ST3GAL2: variants seen among roughly 807,000 people sequenced by gnomAD.
The protein encoded by ST3GAL2 is ST3 beta-galactoside alpha-2,3-sialyltransferase 2, also known as CMP-N-acetylneuraminate-beta-galactosamide-alpha-2,3-sialyltransferase 2.
In ST3GAL2, 16 loss-of-function variants were observed where a neutral mutation model predicts 37.5. The observed-to-expected ratio is 0.43, with a 90% confidence interval of 0.29 to 0.65. The LOEUF (loss-of-function observed/expected upper bound fraction) is 0.65, where lower values mean the gene tolerates loss of function less well. ST3GAL2 is among the 30% of genes least tolerant of loss of function. The pLI, the probability that ST3GAL2 is intolerant of heterozygous loss-of-function variation, is 0.17. For missense variants in ST3GAL2, 383 were observed against 487.8 expected (o/e 0.79, Z 2.02); for synonymous variants, 238 against 202.9 (o/e 1.17, Z -1.47).
At chr16:70,414,781 T>C (rs568862488) in intron 1 of ST3GAL2, among the ~76,000 whole-genome samples, 1 of 152,298 alleles carries the variant, frequency 6.6e-6, no homozygotes, top group Admixed American at 6.5e-5. Flanking sequence ...CAAGTGATAC[T>C]CCTGACTCAG....
In ST3GAL2 at chr16:70,426,189, T is replaced by TG. The variant is rs941492721; in HGVS notation, c.-1004+12759_-1004+12760insC. Among the ~76,000 whole-genome samples, 6 of 141,062 alleles carry TG rather than the reference T, an allele frequency of 4.3e-5. No homozygotes were observed. In the East Asian group the frequency reaches 6.3e-4, roughly 15 times the overall value. 92.5% of individuals were successfully genotyped at this position (141,062 alleles called of 152,430 possible). On this transcript the variant is annotated intron_variant, in intron 1 of 6. Coordinates refer to ENST00000342907, the MANE Select transcript of ST3GAL2 (RefSeq NM_006927.4). ...ATTATGGGGGCCAAAGCCTTTTTTT[T>TG]TTTTTTTTTTTTTTTTGTTTTTGAG...
At chr16:70,391,148 G>A (rs2151660152) in intron 3 of ST3GAL2, among the ~76,000 whole-genome samples, 1 of 152,264 alleles carries the variant, frequency 6.6e-6, no homozygotes, top group Admixed American at 6.5e-5. Flanking sequence ...TCTTCCTCAG[G>A]GACGGGACTG....
rs1403424178 is a variant in ST3GAL2 at position 70,379,198 on chromosome 16, A to C, written c.*2491T>G. ...GGAGACATCATGTTGACAGAGGCCAAAGTGGTTACAGGACAGCCACTGCGA... is the reference window on the plus strand; with the variant it reads ...GGAGACATCATGTTGACAGAGGCCACAGTGGTTACAGGACAGCCACTGCGA... On this transcript the variant is annotated 3_prime_UTR_variant, in exon 7 of 7. Transcript: ENST00000342907. The C allele has an allele frequency of 6.6e-6, 1 of 152,202 alleles. No homozygotes were observed. Among genetic ancestry groups the C allele is most frequent in the East Asian group, 1.9e-4 (1 of 5,198 alleles). The allele number at this position is 152,202 out of a possible 1,614,324, so 9.4% of individuals were successfully genotyped here.
At chr16:70,418,431 C>T (rs562959939) in intron 1 of ST3GAL2, among the ~76,000 whole-genome samples, 23 of 152,320 alleles carry the variant, frequency 1.5e-4, no homozygotes, top group African/African-American at 5.1e-4. Context: ...CAGAGACTGG[C>T]ATCCCAGGGT....
chr16:70,408,010 A>G (rs901163112), intron 1 of ST3GAL2, among the ~76,000 whole-genome samples: 5 of 152,024 alleles, frequency 3.3e-5, no homozygotes, highest in Non-Finnish European at 7.4e-5. Flanking sequence ...GCCCCTCTCC[A>G]CCCACTTACA....
intron 1 of ST3GAL2, among the ~76,000 whole-genome samples, chr16:70,432,655 G>C (rs2047799046): frequency 6.6e-6 from 1 of 152,202 alleles, no homozygotes; most frequent in Non-Finnish European, 1.5e-5. Context: ...AGCAGGCAAA[G>C]TTCAGACCCC....
intron 4 of ST3GAL2, among the ~76,000 whole-genome samples, chr16:70,386,187 G>T (rs994061858): frequency 7.0e-6 from 1 of 143,326 alleles, no homozygotes; most frequent in East Asian, 2.0e-4. Flanking sequence ...CACCCAGCTA[G>T]TTTTTTTTTT....
intron 5 of ST3GAL2, 59 bp downstream of exon 5, chr16:70,383,131 G>T: frequency 6.2e-7 from 1 of 1,603,656 alleles, no homozygotes; most frequent in Non-Finnish European, 8.5e-7. Context: ...TACAGGACCA[G>T]GCACACAGGC....
rs1597550370 is a variant in ST3GAL2, at chr16:70,378,595, G to A, written c.*3094C>T. On this transcript the variant is annotated 3_prime_UTR_variant, in exon 7 of 7. Coordinates refer to ENST00000342907, the MANE Select transcript of ST3GAL2 (RefSeq NM_006927.4). ...CGGTCACCTGTAGTCTCAGCTACTC[G>A]GGAGACTGAGGCAGGAGAATGGCGT... The A allele has an allele frequency of 6.6e-6, 1 of 150,906 alleles. No individual in the cohort carries two copies. The highest frequency in any genetic ancestry group is 2.4e-5 in the African/African-American group (1 of 40,890). The allele number at this position is 150,906 out of a possible 1,614,324, so 9.3% of individuals were successfully genotyped here. A position where few individuals can be genotyped will look rare whatever the true frequency, so the allele number is the denominator to read the frequency against.
chr16:70,376,596 G>C lies in ST3GAL2; in HGVS notation c.*5093C>G, dbSNP rs2047347486. 1 of 152,204 alleles carries C rather than the reference G, an allele frequency of 6.6e-6. No individual in the cohort carries two copies. The highest frequency in any genetic ancestry group is 1.9e-4 in the East Asian group (1 of 5,192). The allele number at this position is 152,204 out of a possible 1,614,324, so 9.4% of individuals were successfully genotyped here. The stretch of plus-strand genomic sequence containing the variant: ...GTGATTTTTTTCACAAAAGTAGTGA[G>C]AAGGGGCATTGATTCCTAATTCACA... On this transcript the variant is annotated 3_prime_UTR_variant, in exon 7 of 7. Transcript: ENST00000342907.
At chr16:70,395,913 C>T (rs1308814514) in intron 2 of ST3GAL2, among the ~76,000 whole-genome samples, 1 of 152,088 alleles carries the variant, frequency 6.6e-6, no homozygotes, top group Non-Finnish European at 1.5e-5. Flanking sequence ...CAAAGTTTCC[C>T]ATTTTTCAAG....
intron 4 of ST3GAL2, among the ~76,000 whole-genome samples, chr16:70,385,036 T>C (rs938023283): frequency 5.3e-5 from 8 of 151,832 alleles, no homozygotes; most frequent in African/African-American, 1.7e-4. Context: ...CCGGGTGCGG[T>C]GGCTCCTGCC....
At chr16:70,429,784 G>GGGATTACA (rs922312482) in intron 1 of ST3GAL2, among the ~76,000 whole-genome samples, 1 of 151,452 alleles carries the variant, frequency 6.6e-6, no homozygotes, top group African/African-American at 2.4e-5. Flanking sequence ...TGGGATTACA[G>GGGATTACA]GCGCCCTCCA....
chr16:70,414,583 G>A (rs1236252121), intron 1 of ST3GAL2, among the ~76,000 whole-genome samples: 5 of 152,226 alleles, frequency 3.3e-5, no homozygotes, highest in Non-Finnish European at 7.3e-5. Context: ...AAGTTCCACT[G>A]AAAATCGGAA....
At chr16:70,390,767 G>C (rs1567667017) in intron 3 of ST3GAL2, among the ~76,000 whole-genome samples, 1 of 152,150 alleles carries the variant, frequency 6.6e-6, no homozygotes, top group Non-Finnish European at 1.5e-5. Flanking sequence ...CTTTCAATTT[G>C]TGCAAAATAC....
chr16:70,420,242 C>G (rs186126474), intron 1 of ST3GAL2, among the ~76,000 whole-genome samples: 1 of 151,964 alleles, frequency 6.6e-6, no homozygotes, highest in African/African-American at 2.4e-5. Context: ...TTGGAGAAAG[C>G]CTTTTGTATG....
At chr16:70,433,224 T>C (rs1490252667) in intron 1 of ST3GAL2, among the ~76,000 whole-genome samples, 1 of 152,124 alleles carries the variant, frequency 6.6e-6, no homozygotes, top group Non-Finnish European at 1.5e-5. Context: ...TCCCCTCTTT[T>C]CCACTTCTAC....
At chr16:70,415,554 C>T (rs1008581042) in intron 1 of ST3GAL2, among the ~76,000 whole-genome samples, 2 of 151,960 alleles carry the variant, frequency 1.3e-5, no homozygotes, top group African/African-American at 2.4e-5. Flanking sequence ...CGGGTTCAAG[C>T]GATTCTCCTG....
intron 1 of ST3GAL2, among the ~76,000 whole-genome samples, chr16:70,423,592 A>T (rs939728130): frequency 3.9e-5 from 6 of 152,062 alleles, no homozygotes; most frequent in African/African-American, 1.4e-4. Flanking sequence ...TTCTTGCCTC[A>T]GTTCTTCTAC....
Sources: allele counts gnomAD v4.1 joint callset (sites outside exome capture counted in the v4.1 genomes callset), GRCh38; gene constraint gnomAD v4.1.1; transcripts MANE v1.5; gene names NCBI Gene and HGNC (gene_info 2026-07-23, HGNC 2026-07-21).